The following PCLO variants were observed in gnomAD, a reference collection of about 807,000 sequenced individuals.
PCLO encodes the protein piccolo presynaptic cytomatrix protein.
PCLO carries 82 observed loss-of-function variants against 427.5 expected under a neutral mutation model. That is an observed-to-expected ratio of 0.19 (90% CI 0.16 to 0.23). The LOEUF is 0.23. Ranked by LOEUF, PCLO falls within the 10% of genes least tolerant of loss-of-function variation. PCLO has a pLI of 1.00. For missense variants in PCLO, 6,239 were observed against 6,115.9 expected, an observed-to-expected ratio of 1.02 and a Z score of -0.67; for synonymous variants, 2,357 against 2,155.4, an observed-to-expected ratio of 1.09 and a Z score of -2.59.
chr7:82,862,376 T>C (rs1442712057), intron 10 of PCLO, among the ~76,000 whole-genome samples: 1 of 151,902 alleles, frequency 6.6e-6, no homozygotes, highest in Non-Finnish European at 1.5e-5. Context: ...ACAGTCAATA[T>C]GCAGAAGAGT....
At chr7:82,805,973 G>A (rs1791450206) in intron 20 of PCLO, 144 bp from the exon 21 acceptor site, 7 of 734,226 alleles carry the variant, frequency 9.5e-6, no homozygotes, top group South Asian at 2.0e-5. Flanking sequence ...CCGCCTTTTC[G>A]TTTCCTTTAC....
chr7:83,028,017 A>C (rs1213459602), intron 3 of PCLO, among the ~76,000 whole-genome samples: 2 of 142,994 alleles, frequency 1.4e-5, no homozygotes, highest in East Asian at 2.1e-4. Flanking sequence ...ATGGGCAAAA[A>C]CTGGAAGCAT....
chr7:82,897,062 C>CT (rs998854371), intron 9 of PCLO, among the ~76,000 whole-genome samples: 2 of 151,170 alleles, frequency 1.3e-5, no homozygotes, highest in African/African-American at 2.4e-5. Context: ...ACATTTTGTT[C>CT]TTTTTTTTCT....
chr7:82,889,752 TA>T (rs1793713598), intron 9 of PCLO, among the ~76,000 whole-genome samples: 1 of 152,104 alleles, frequency 6.6e-6, no homozygotes, highest in Non-Finnish European at 1.5e-5. Context: ...AGTAAATAAT[TA>T]AACGTCTGTA....
chr7:82,868,298 T>G, intron 10 of PCLO: 1 of 439,050 alleles, frequency 2.3e-6, no homozygotes, highest in Non-Finnish European at 4.6e-6. Flanking sequence ...CCTCTAGTAA[T>G]GCTACTGGAA....
intron 3 of PCLO, among the ~76,000 whole-genome samples, chr7:82,998,451 T>G (rs1330391761): frequency 6.6e-6 from 1 of 151,326 alleles, no homozygotes; most frequent in East Asian, 2.0e-4. Context: ...AATCCAGTGC[T>G]TGAACTGCTG....
In PCLO at chr7:82,787,808, C is replaced by T. The variant is rs374799884; in HGVS notation, c.15007+13710G>A. On this transcript the variant is annotated intron_variant, in intron 22 of 24. Coordinates refer to ENST00000333891, the MANE Select transcript of PCLO (RefSeq NM_033026.6). ...CTGAGGAATAACACAGCAGTCTCAA[C>T]ATCAAACTAAATTGCAAAATTTGAC... Among the ~76,000 whole-genome samples the T allele has an allele frequency of 4.6e-5, 7 of 152,202 alleles. No individual in the cohort carries two copies. In the East Asian group the frequency reaches 7.7e-4, roughly 17 times the overall value.
In PCLO at chr7:83,009,520, T is replaced by C. The variant is rs558299737; in HGVS notation, c.3301-43033A>G. Among the ~76,000 whole-genome samples the C allele has an allele frequency of 2.0e-5, 3 of 151,976 alleles. No individual in the cohort carries two copies. In the Admixed American group the frequency reaches 2.0e-4, roughly 10 times the overall value. ...TAATAGCTTGCTTTTCAAAGAGAAA[T>C]TTTTATTCTGTGGCCTGAAAGTACA... On this transcript the variant is annotated intron_variant, in intron 3 of 24. Transcript: ENST00000333891.
chr7:83,117,047 A>C (rs143152349), intron 3 of PCLO, among the ~76,000 whole-genome samples: 46 of 152,372 alleles, frequency 3.0e-4, no homozygotes, highest in Non-Finnish European at 6.0e-4. Context: ...TTGTGACAAC[A>C]TGGATAAATT....
intron 3 of PCLO, among the ~76,000 whole-genome samples, chr7:83,131,125 A>G (rs1791560769): frequency 6.6e-6 from 1 of 152,228 alleles, no homozygotes; most frequent in Admixed American, 6.5e-5. Context: ...CAGCTTTTTA[A>G]GAAAGCTCAA....
intron 3 of PCLO, among the ~76,000 whole-genome samples, chr7:83,042,073 A>T (rs577095647): frequency 6.6e-6 from 1 of 152,260 alleles, no homozygotes; most frequent in African/African-American, 2.4e-5. Context: ...TTGCTATGGG[A>T]GTTGATTTAA....
chr7:82,931,880 G>A (rs540598281), intron 6 of PCLO, among the ~76,000 whole-genome samples: 2 of 152,210 alleles, frequency 1.3e-5, no homozygotes, highest in East Asian at 1.9e-4. Context: ...ATATAAGGTC[G>A]ATTAGGAACC....
At chr7:82,791,451 G>A (rs1191854097) in intron 22 of PCLO, among the ~76,000 whole-genome samples, 1 of 152,174 alleles carries the variant, frequency 6.6e-6, no homozygotes, top group Non-Finnish European at 1.5e-5. Context: ...GCCTAAAATT[G>A]CATCTGCTTA....
intron 3 of PCLO, among the ~76,000 whole-genome samples, chr7:82,976,153 T>C (rs1294778782): frequency 1.3e-5 from 2 of 152,240 alleles, no homozygotes; most frequent in African/African-American, 4.8e-5. Flanking sequence ...CTGTTAAAGG[T>C]TACCCATGTT....
intron 9 of PCLO, among the ~76,000 whole-genome samples, chr7:82,888,709 G>GC (rs1033955435): frequency 4.6e-4 from 70 of 151,902 alleles, no homozygotes; most frequent in African/African-American, 1.6e-3. Context: ...TGTCTACTGG[G>GC]CCCAACATAT....
chr7:82,903,905 T>G (rs1794119839), intron 8 of PCLO, among the ~76,000 whole-genome samples: 1 of 151,916 alleles, frequency 6.6e-6, no homozygotes, highest in Non-Finnish European at 1.5e-5. Flanking sequence ...GCTGTAAAAT[T>G]GTTAGAATTC....
At chr7:82,766,371 A>T (rs965379783) in intron 22 of PCLO, among the ~76,000 whole-genome samples, 2 of 152,066 alleles carry the variant, frequency 1.3e-5, no homozygotes, top group South Asian at 4.1e-4. Flanking sequence ...GACAGAAAAC[A>T]TTTAATCAAA....
chr7:83,047,530 T>C (rs1789133188), intron 3 of PCLO, among the ~76,000 whole-genome samples: 1 of 152,004 alleles, frequency 6.6e-6, no homozygotes, highest in South Asian at 2.1e-4. Flanking sequence ...ATCCACTTCT[T>C]TTGGTTTCCA....
intron 20 of PCLO, among the ~76,000 whole-genome samples, chr7:82,814,307 AATAGAAGAGATAT>A (rs766468430): frequency 1.1e-4 from 16 of 151,676 alleles, no homozygotes; most frequent in Non-Finnish European, 1.8e-4. Flanking sequence ...TCTGAAATGC[AATAGAAGAGATAT>A]ATAAGATACA....
Sources: gnomAD v4.1 joint callset for allele counts (sites outside exome capture counted in the v4.1 genomes callset) on GRCh38, gnomAD v4.1.1 for gene constraint, MANE v1.5 for transcripts, NCBI Gene and HGNC (gene_info 2026-07-23, HGNC 2026-07-21) for gene names.